MVK: variants seen among roughly 807,000 people sequenced by gnomAD.
The protein encoded by MVK is LH receptor mRNA-binding protein.
A neutral mutation model predicts 43.2 loss-of-function variants in MVK; 34 were observed. That is an observed-to-expected ratio of 0.79 (90% CI 0.60 to 1.05). The LOEUF (loss-of-function observed/expected upper bound fraction) is 1.05, where lower values mean the gene tolerates loss of function less well. Among genes scored for constraint, MVK ranks in the 50% least tolerant of loss-of-function variants. The pLI is 0.00. For missense variants in MVK, 395 were observed against 504.0 expected, an observed-to-expected ratio of 0.78 and a Z score of 2.07; for synonymous variants, 190 against 219.8, an observed-to-expected ratio of 0.86 and a Z score of 1.20.
At chr12:109,583,126 T>G (rs1426336932) in intron 5 of MVK, among the ~76,000 whole-genome samples, 1 of 152,110 alleles carries the variant, frequency 6.6e-6, no homozygotes, top group Non-Finnish European at 1.5e-5. Flanking sequence ...ACTTTAAGTT[T>G]TAGGGTACAT....
intron 3 of MVK, among the ~76,000 whole-genome samples, chr12:109,578,676 A>C (rs1885069738): frequency 6.6e-6 from 1 of 152,234 alleles, no homozygotes; most frequent in African/African-American, 2.4e-5. Flanking sequence ...CTGGGTTCTC[A>C]ATGATGCCAT....
chr12:109,596,681 A>G lies in MVK; in HGVS notation c.*104A>G. 9 of 1,479,842 alleles carry G rather than the reference A, an allele frequency of 6.1e-6. No individual in the cohort carries two copies. The highest frequency in any genetic ancestry group is 1.4e-5 in the African/African-American group (1 of 71,876). The allele number at this position is 1,479,842 out of a possible 1,614,324, so 91.7% of individuals were successfully genotyped here. The stretch of plus-strand genomic sequence containing the variant: ...GGCCAGCGAGCGCCCAGCTCCTGAC[A>G]CTGCTGGAGAGGCCCCAGCCGCTTG... On this transcript the variant is annotated 3_prime_UTR_variant, in exon 11 of 11. Transcript: ENST00000228510.
intron 4 of MVK, 54 bp from the exon 5 acceptor site, chr12:109,581,341 T>C: frequency 1.2e-6 from 2 of 1,610,484 alleles, no homozygotes; most frequent in Admixed American, 3.3e-5. Context: ...GGTTCAGTGC[T>C]GGCACCCCAC....
intron 9 of MVK, among the ~76,000 whole-genome samples, chr12:109,594,376 T>A (rs1885822007): frequency 2.0e-5 from 3 of 152,254 alleles, no homozygotes; most frequent in Admixed American, 6.5e-5. Flanking sequence ...TCCCTGCTTA[T>A]GGCCTTGCTG....
At position 109,597,102 on chromosome 12, in the gene MVK, C is replaced by A; in HGVS notation, c.*525C>A. On this transcript the variant is annotated 3_prime_UTR_variant, in exon 11 of 11. Transcript: ENST00000228510. ...GTGGCTCACTCAGCACTTGGTGTGG[C>A]CTTCCCTTCTACCTAGCGGGATGGG... is the stretch of plus-strand genomic sequence containing the variant. The A allele has an allele frequency of 4.7e-6, 1 of 212,370 alleles. No individual in the cohort carries two copies. 13.2% of individuals were successfully genotyped at this position (212,370 alleles called of 1,614,324 possible).
chr12:109,591,260 C>G lies in MVK; in HGVS notation c.788C>G (p.Pro263Arg), dbSNP rs1039396266. ...CTCCAGTTCCCAGAGATCGTGGCCC[C>G]CCTCCTGACCTCAATAGATGCCATC... ...RLLKFPEIVA[P>R]LLTSIDAISL... Residue 263 changes from proline (P) to arginine (R), a missense_variant, in exon 9 of 11, where the codon CCC (proline) becomes CGC (arginine). By Grantham distance (103) the Pro-to-Arg change is moderately radical. Coordinates refer to ENST00000228510, the MANE Select transcript of MVK (RefSeq NM_000431.4). 3 of 1,614,244 alleles carry G rather than the reference C, an allele frequency of 1.9e-6. No homozygotes were observed. Among genetic ancestry groups the G allele is most frequent in the Non-Finnish European group, 1.7e-6 (2 of 1,180,048 alleles).
intron 3 of MVK, among the ~76,000 whole-genome samples, chr12:109,577,734 C>G (rs1451029209): frequency 1.3e-5 from 2 of 152,134 alleles, no homozygotes; most frequent in African/African-American, 4.8e-5. Context: ...GGGCTCCTGG[C>G]TCCGCCCCTC....
chr12:109,575,016 G>T (rs922222203), intron 2 of MVK, 116 bp downstream of exon 2: 7 of 1,017,228 alleles, frequency 6.9e-6, no homozygotes, highest in African/African-American at 6.4e-5. Context: ...GAGAGATCAG[G>T]TTCTCCCCAG....
At chr12:109,594,590 G>A (rs1398566573) in intron 9 of MVK, among the ~76,000 whole-genome samples, 11 of 152,196 alleles carry the variant, frequency 7.2e-5, no homozygotes, top group Admixed American at 4.6e-4. Flanking sequence ...ACAATGTGTC[G>A]GGAATCTGTC....
intron 5 of MVK, 105 bp from the exon 6 acceptor site, chr12:109,585,917 G>C: frequency 2.3e-6 from 2 of 869,424 alleles, no homozygotes; most frequent in South Asian, 1.4e-5. Flanking sequence ...TGAGCTCAAG[G>C]GCCCAAGCTC....
Position 109,576,900 on chromosome 12 carries a change from A to T in MVK, c.226+755A>T, listed in dbSNP as rs141279296. Among the ~76,000 whole-genome samples, 42 of 152,248 alleles carry T rather than the reference A, an allele frequency of 2.8e-4. 1 individual carries two copies. In the East Asian group the frequency reaches 8.1e-3, roughly 29 times the overall value. ...AAAAAAAAAAAAATTTAATAAAAGT[A>T]CAAGTTACCTATGCTTATTATTGGA... On this transcript the variant is annotated intron_variant, in intron 3 of 10. Transcript: ENST00000228510.
chr12:109,574,738 G>T (rs1884851580), intron 1 of MVK, 71 bp from the exon 2 acceptor site: 2 of 1,292,504 alleles, frequency 1.5e-6, no homozygotes, highest in South Asian at 2.5e-5. Flanking sequence ...TGAACTAGGT[G>T]TTCTAAGATC....
chr12:109,573,404 C>T, upstream of MVK: 1 of 1,611,252 alleles, frequency 6.2e-7, no homozygotes, highest in South Asian at 1.1e-5. Context: ...ATACAGGAGC[C>T]TGGCGGCGCC....
chr12:109,573,491 G>T, upstream of MVK: 7 of 1,596,426 alleles, frequency 4.4e-6, no homozygotes, highest in Non-Finnish European at 6.0e-6. Flanking sequence ...GAGCCAGGCT[G>T]CTTGACGGGA....
chr12:109,573,604 C>T, upstream of MVK: 1 of 1,189,672 alleles, frequency 8.4e-7, no homozygotes, highest in Admixed American at 2.0e-5. Flanking sequence ...AGTTCTCACC[C>T]CAGGGCGGGA....
chr12:109,590,070 G>A, intron 7 of MVK: 1 of 159,788 alleles, frequency 6.3e-6, no homozygotes, highest in Non-Finnish European at 1.4e-5. Flanking sequence ...CACCATTGAG[G>A]TAGGGCAAGA....
intron 7 of MVK, chr12:109,588,963 A>T (rs1008540211): frequency 5.9e-5 from 9 of 152,410 alleles, no homozygotes; most frequent in Admixed American, 4.6e-4. Context: ...CATTGAGCAG[A>T]AACCTGAATA....
chr12:109,582,801 C>G (rs1885276684), intron 5 of MVK, among the ~76,000 whole-genome samples: 1 of 152,238 alleles, frequency 6.6e-6, no homozygotes, highest in Non-Finnish European at 1.5e-5. Context: ...CCCCCGCCTC[C>G]ATCACTCACT....
At chr12:109,591,141 G>T (rs937129536) in intron 8 of MVK, 100 bp from the exon 9 acceptor site, 5 of 1,179,922 alleles carry the variant, frequency 4.2e-6, no homozygotes, top group Non-Finnish European at 5.1e-6. Flanking sequence ...ATGGGCACGG[G>T]CTGTGTGAAC....
Sources: allele counts gnomAD v4.1 joint callset (sites outside exome capture counted in the v4.1 genomes callset), GRCh38; gene constraint gnomAD v4.1.1; transcripts MANE v1.5; gene names NCBI Gene and HGNC (gene_info 2026-07-23, HGNC 2026-07-21).